Variants in PLD5 observed in about 807,000 individuals in gnomAD.
PLD5 encodes the protein inactive phospholipase D5.
PLD5 carries 36 observed loss-of-function variants against 61.1 expected under a neutral mutation model. The observed-to-expected ratio is 0.59, with a 90% CI of 0.45 to 0.78. The LOEUF (loss-of-function observed/expected upper bound fraction) is 0.78. Ranked by LOEUF, PLD5 falls within the 30% of genes least tolerant of loss-of-function variation. The pLI, the probability that PLD5 is intolerant of heterozygous loss-of-function variation, is 0.00. For synonymous variants in PLD5, 243 were observed against 242.8 expected (o/e 1.00, Z -0.01); for missense variants, 515 against 644.4 (o/e 0.80, Z 2.17).
intron 5 of PLD5, among the ~76,000 whole-genome samples, chr1:242,131,912 G>C (rs1347999909): frequency 7.1e-6 from 1 of 140,798 alleles, no homozygotes; most frequent in Non-Finnish European, 1.5e-5. Flanking sequence ...TCGGCTCACT[G>C]CAACCTCTGC....
chr1:242,107,503 T>TCTC (rs34191588), intron 8 of PLD5, among the ~76,000 whole-genome samples, 168 bp downstream of exon 8: 131,204 of 151,922 alleles, frequency 0.86, 56,771 homozygotes, highest in South Asian at 0.95. Context: ...TGAGCTCTAC[T>TCTC]CTTTTTTTCG....
chr1:242,317,523 G>A (rs550661038), intron 2 of PLD5, among the ~76,000 whole-genome samples: 47 of 152,112 alleles, frequency 3.1e-4, no homozygotes, highest in Non-Finnish European at 5.6e-4. Flanking sequence ...ATCCCTAACG[G>A]TTATAAAGAG....
chr1:242,096,046 C>T (rs1358312903), intron 9 of PLD5, among the ~76,000 whole-genome samples: 2 of 151,666 alleles, frequency 1.3e-5, no homozygotes, highest in African/African-American at 4.8e-5. Context: ...GCAAGCTCCG[C>T]CTCCCGAGTT....
At chr1:242,155,652 G>A (rs930968282) in intron 5 of PLD5, among the ~76,000 whole-genome samples, 11 of 152,140 alleles carry the variant, frequency 7.2e-5, no homozygotes, top group African/African-American at 2.4e-4. Flanking sequence ...CTATGTAATT[G>A]TGTGGTTTTG....
At chr1:242,224,862 C>T (rs1353619746) in intron 4 of PLD5, among the ~76,000 whole-genome samples, 3 of 152,138 alleles carry the variant, frequency 2.0e-5, no homozygotes, top group African/African-American at 7.2e-5. Flanking sequence ...TAGTAAAATT[C>T]ACCCTTTTGA....
intron 7 of PLD5, 74 bp downstream of exon 7, chr1:242,113,816 C>T: frequency 1.3e-6 from 2 of 1,498,008 alleles, no homozygotes; most frequent in Non-Finnish European, 1.8e-6. Flanking sequence ...TCCAGGCTGG[C>T]TTCTCCTGTG....
chr1:242,310,964 C>T (rs200681053), intron 2 of PLD5, among the ~76,000 whole-genome samples: 18 of 152,166 alleles, frequency 1.2e-4, no homozygotes, highest in East Asian at 7.7e-4. Flanking sequence ...CATAGGGCCA[C>T]GTGTGTTTAT....
chr1:242,127,655 A>T (rs367684903), intron 5 of PLD5, among the ~76,000 whole-genome samples: 9 of 151,912 alleles, frequency 5.9e-5, no homozygotes, highest in African/African-American at 2.2e-4. Context: ...GACTTGGGAG[A>T]CATGGGGGAA....
At chr1:242,498,289 G>T (rs1366368798) in intron 1 of PLD5, among the ~76,000 whole-genome samples, 2 of 152,130 alleles carry the variant, frequency 1.3e-5, no homozygotes, top group African/African-American at 4.8e-5. Context: ...ATGAGACCTT[G>T]CATGCTGATT....
At chr1:242,286,421 A>G (rs1202029161) in intron 3 of PLD5, among the ~76,000 whole-genome samples, 3 of 152,210 alleles carry the variant, frequency 2.0e-5, no homozygotes, top group African/African-American at 7.2e-5. Flanking sequence ...GCAAACCATA[A>G]AGATTCTTCT....
At chr1:242,199,169 A>G (rs2148951481) in intron 5 of PLD5, among the ~76,000 whole-genome samples, 1 of 152,322 alleles carries the variant, frequency 6.6e-6, no homozygotes, top group South Asian at 2.1e-4. Flanking sequence ...TAGATTATAT[A>G]TGTGGCTCAC....
Position 242,087,014 on chromosome 1 carries a change from G to C in PLD5, c.*2840C>G, listed in dbSNP as rs1659507697. Reference sequence around the variant, plus strand: ...GGGGGGGAATGGAGGTTGATAGTTTGTTTAGCACAGAAACAAGTCTAAAAG... The same window carrying C: ...GGGGGGGAATGGAGGTTGATAGTTTCTTTAGCACAGAAACAAGTCTAAAAG... On this transcript the variant is annotated 3_prime_UTR_variant, in exon 10 of 10. Coordinates refer to ENST00000536534, the MANE Select transcript of PLD5 (RefSeq NM_001372062.1). The C allele has an allele frequency of 6.6e-6, 1 of 152,112 alleles. No homozygotes were observed. The highest frequency in any genetic ancestry group is 2.4e-5 in the African/African-American group (1 of 41,416). 9.4% of individuals were successfully genotyped at this position (152,112 alleles called of 1,614,324 possible). A position where few individuals can be genotyped will look rare whatever the true frequency, so the allele number is the denominator to read the frequency against.
At chr1:242,484,478 C>T (rs980257684) in intron 1 of PLD5, among the ~76,000 whole-genome samples, 2 of 152,032 alleles carry the variant, frequency 1.3e-5, no homozygotes, top group Admixed American at 1.3e-4. Flanking sequence ...ATAAATTCCT[C>T]GACACGTACA....
chr1:242,090,142 G>A, intron 9 of PLD5, 32 bp from the exon 10 acceptor site: 2 of 1,611,440 alleles, frequency 1.2e-6, no homozygotes, highest in Non-Finnish European at 1.7e-6. Flanking sequence ...ATGTTGAGGA[G>A]TTAGAGTCCA....
At chr1:242,093,315 C>CA (rs950628421) in intron 9 of PLD5, among the ~76,000 whole-genome samples, 2 of 152,146 alleles carry the variant, frequency 1.3e-5, no homozygotes, top group African/African-American at 4.8e-5. Context: ...CCCTGCCAGG[C>CA]AGTATCTTCT....
At chr1:242,396,824 T>C (rs534384384) in intron 1 of PLD5, among the ~76,000 whole-genome samples, 4 of 152,042 alleles carry the variant, frequency 2.6e-5, no homozygotes, top group African/African-American at 9.6e-5. Context: ...GGACTACAGA[T>C]GTGTGCCACC....
At chr1:242,296,986 T>C (rs1313360809) in intron 2 of PLD5, among the ~76,000 whole-genome samples, 2 of 152,200 alleles carry the variant, frequency 1.3e-5, no homozygotes, top group Admixed American at 1.3e-4. Flanking sequence ...GTGCTGGGAT[T>C]ACAGGCACAC....
chr1:242,451,880 TA>T (rs1402012536), intron 1 of PLD5, among the ~76,000 whole-genome samples: 1 of 152,162 alleles, frequency 6.6e-6, no homozygotes, highest in Non-Finnish European at 1.5e-5. Context: ...CTCCTGCTAG[TA>T]CCTTATACTT....
chr1:242,183,634 G>A (rs1433511510), intron 5 of PLD5, among the ~76,000 whole-genome samples: 1 of 152,108 alleles, frequency 6.6e-6, no homozygotes, highest in Non-Finnish European at 1.5e-5. Context: ...GGTGGCTCAC[G>A]CCTGTAATCC....
Sources: allele counts gnomAD v4.1 joint callset (sites outside exome capture counted in the v4.1 genomes callset), GRCh38; gene constraint gnomAD v4.1.1; transcripts MANE v1.5; gene names NCBI Gene and HGNC (gene_info 2026-07-23, HGNC 2026-07-21).